OSCP1: variants seen among roughly 807,000 people sequenced by gnomAD.
OSCP1 encodes protein OSCP1.
OSCP1 carries 35 observed loss-of-function variants against 45.1 expected under a neutral mutation model. That is an observed-to-expected ratio of 0.78 (90% CI 0.59 to 1.03). The LOEUF is 1.03. Among genes scored for constraint, OSCP1 ranks in the 50% least tolerant of loss-of-function variants. OSCP1 has a pLI of 0.00. For missense variants in OSCP1, 400 were observed against 470.7 expected, an observed-to-expected ratio of 0.85 and a Z score of 1.39; for synonymous variants, 179 against 180.1, an observed-to-expected ratio of 0.99 and a Z score of 0.05.
intron 1 of OSCP1, chr1:36,444,146 AC>A (rs761655757): frequency 4.7e-6 from 6 of 1,286,986 alleles, no homozygotes; most frequent in Non-Finnish European, 1.1e-6. Flanking sequence ...TTTACTTTTC[AC>A]GTTGGCATTT....
intron 4 of OSCP1, among the ~76,000 whole-genome samples, chr1:36,427,015 TTTTGAGATGGAGTCTTGC>T (rs1457260031): frequency 6.6e-6 from 1 of 150,578 alleles, no homozygotes; most frequent in African/African-American, 2.5e-5. Context: ...CTCTTTTTTT[TTTTGAGATGGAGTCTTGC>T]TCTGTCGCCC....
chr1:36,449,484 G>C (rs1649745632), intron 1 of OSCP1, among the ~76,000 whole-genome samples: 1 of 151,848 alleles, frequency 6.6e-6, no homozygotes, highest in Admixed American at 6.6e-5. Context: ...AAATACTTCT[G>C]AGATGAGTAA....
chr1:36,423,310 G>A lies in OSCP1; in HGVS notation c.620+53C>T, dbSNP rs1647765773. On this transcript the variant is annotated intron_variant, in intron 5 of 9. Coordinates refer to ENST00000235532, the MANE Select transcript of OSCP1 (RefSeq NM_145047.5). ...GTGCGGCATTCCGTGTGCGGCCCAT[G>A]TGCTGATTTCCTAGCACCCCAAACA... is the stretch of plus-strand genomic sequence containing the variant. 5 of 1,394,388 alleles carry A rather than the reference G, an allele frequency of 3.6e-6. No individual in the cohort carries two copies. The Admixed American group carries it at 5.0e-5, about 14-fold the overall frequency. 86.4% of individuals were successfully genotyped at this position (1,394,388 alleles called of 1,614,324 possible).
Position 36,423,424 on chromosome 1 carries a change from G to A in OSCP1, c.559C>T (p.Arg187Cys), listed in dbSNP as rs149060854. Reference sequence around the variant, plus strand: ...GGCCCGGACACCGGCAACACAAAGCGACCGTTATTATTCTGAACTTTGTCC... The same window carrying A: ...GGCCCGGACACCGGCAACACAAAGCAACCGTTATTATTCTGAACTTTGTCC... ...LKDKVQNNNG[R>C]FVLPVSGPVP... is the part of the protein sequence containing the mutation. Residue 187 changes from arginine to cysteine, a missense_variant, in exon 5 of 10, where the codon CGC (arginine) becomes TGC (cysteine). Physicochemically the swap from Arg to Cys is radical, Grantham distance 180. Transcript: ENST00000235532. 152 of 1,613,672 alleles carry A rather than the reference G, an allele frequency of 9.4e-5. No individual in the cohort carries two copies. In the African/African-American group the frequency reaches 1.2e-3, roughly 13 times the overall value.
chr1:36,428,497 C>T (rs1158225971), intron 4 of OSCP1: 2 of 1,600,000 alleles, frequency 1.3e-6, no homozygotes, highest in African/African-American at 1.3e-5. Flanking sequence ...CAAACAAATA[C>T]ATATATGTTA....
At chr1:36,434,935 A>G (rs538503508) in intron 2 of OSCP1, among the ~76,000 whole-genome samples, 1 of 152,142 alleles carries the variant, frequency 6.6e-6, no homozygotes, top group East Asian at 1.9e-4. Flanking sequence ...AAAAACAGGT[A>G]TAAGATGAAG....
intron 4 of OSCP1, among the ~76,000 whole-genome samples, chr1:36,427,812 T>C (rs1417025701): frequency 6.6e-6 from 1 of 152,236 alleles, no homozygotes; most frequent in Admixed American, 6.5e-5. Flanking sequence ...TTTCATATTT[T>C]TTATTTTAAT....
intron 4 of OSCP1, chr1:36,428,466 A>G (rs770169876): frequency 6.2e-7 from 1 of 1,613,568 alleles, no homozygotes; most frequent in Non-Finnish European, 8.5e-7. Flanking sequence ...TGCTTCCAGA[A>G]GCACTCTCTC....
At chr1:36,421,279 A>G (rs1237829360) in intron 7 of OSCP1, among the ~76,000 whole-genome samples, 8 of 152,116 alleles carry the variant, frequency 5.3e-5, no homozygotes, top group Non-Finnish European at 5.9e-5. Flanking sequence ...GCAAGCCTCC[A>G]TGATACTGTG....
intron 1 of OSCP1, chr1:36,443,917 A>G (rs2124021288): frequency 7.0e-7 from 1 of 1,430,040 alleles, no homozygotes; most frequent in East Asian, 2.3e-5. Context: ...GAAATGTTTC[A>G]AGCGGTCCCA....
chr1:36,431,443 C>A (rs1313999454), intron 4 of OSCP1, among the ~76,000 whole-genome samples: 1 of 152,002 alleles, frequency 6.6e-6, no homozygotes, highest in African/African-American at 2.4e-5. Flanking sequence ...GGAGGAGGGG[C>A]AGCCTTCTGA....
At chr1:36,420,147 T>TTTTTTTTA (rs1647525908) in intron 8 of OSCP1, among the ~76,000 whole-genome samples, 1 of 151,434 alleles carries the variant, frequency 6.6e-6, no homozygotes, top group African/African-American at 2.4e-5. Context: ...AGCTAATTTT[T>TTTTTTTTA]TTTTTTTTTT....
In OSCP1 at chr1:36,423,433, T is replaced by C. The variant is rs372876354; in HGVS notation, c.550A>G (p.Asn184Asp). 17 of 1,612,822 alleles carry C rather than the reference T, an allele frequency of 1.1e-5. No homozygotes were observed. Among genetic ancestry groups the C allele is most frequent in the Admixed American group, 3.3e-5 (2 of 59,726 alleles). The change falls in exon 5 of 10, where the codon AAT (asparagine) becomes GAT (aspartate). Residue 184 changes from asparagine to aspartate, a missense_variant. By Grantham distance (23) the Asn-to-Asp change is conservative (BLOSUM62 1). Coordinates refer to ENST00000235532, the MANE Select transcript of OSCP1 (RefSeq NM_145047.5). The part of the protein sequence containing the change: ...SMFLKDKVQN[N>D]NGRFVLPVSG... ...ACCGGCAACACAAAGCGACCGTTAT[T>C]ATTCTGAACTTTGTCCTTTAGAAAC... is the stretch of plus-strand genomic sequence containing the variant.
At chr1:36,438,941 A>G in intron 1 of OSCP1, 31 bp from the exon 2 acceptor site, 2 of 1,608,788 alleles carry the variant, frequency 1.2e-6, no homozygotes, top group South Asian at 1.1e-5. Context: ...ACAGCTGAGC[A>G]AAGTACTGAA....
chr1:36,427,175 AT>A (rs1172638137), intron 4 of OSCP1, among the ~76,000 whole-genome samples: 4 of 128,190 alleles, frequency 3.1e-5, no homozygotes, highest in Admixed American at 2.4e-4. Context: ...TAATTTTTGT[AT>A]TTTTTAGTAG....
intron 4 of OSCP1, among the ~76,000 whole-genome samples, chr1:36,427,637 G>C (rs367980390): frequency 6.6e-6 from 1 of 152,120 alleles, no homozygotes; most frequent in African/African-American, 2.4e-5. Flanking sequence ...TCATTATAAT[G>C]AATTTTATCT....
intron 6 of OSCP1, among the ~76,000 whole-genome samples, chr1:36,422,545 A>G (rs1363194412): frequency 1.3e-5 from 2 of 152,160 alleles, no homozygotes; most frequent in African/African-American, 4.8e-5. Flanking sequence ...TTGCATGGCT[A>G]TTGAACATCA....
Position 36,419,030 on chromosome 1 carries a change from T to C in OSCP1, c.984A>G (p.Glu328=). Residue 328 remains glutamate, a synonymous_variant, in exon 9 of 10, where the codon GAA becomes GAG. Transcript: ENST00000235532. ...TGTTGATAACTTCATAGGATAACTC[T>C]TCTGGCCTGGTTAGCGCTGCTTGTC... is the stretch of plus-strand genomic sequence containing the variant. ...EEEQAALTRP[E]ELSYEVINIQ... 6.2e-7 allele frequency: 1 copy of C among 1,612,866 alleles called. No individual in the cohort carries two copies. The highest frequency in any genetic ancestry group is 8.5e-7 in the Non-Finnish European group (1 of 1,178,812).
chr1:36,431,942 C>CG, intron 3 of OSCP1, 60 bp from the exon 4 acceptor site: 1 of 1,506,374 alleles, frequency 6.6e-7, no homozygotes, highest in Admixed American at 1.8e-5. Flanking sequence ...TAGTACGCAC[C>CG]GGCAGGGCAG....
Sources: allele counts gnomAD v4.1 joint callset (sites outside exome capture counted in the v4.1 genomes callset), GRCh38; gene constraint gnomAD v4.1.1; transcripts MANE v1.5; gene names NCBI Gene and HGNC (gene_info 2026-07-23, HGNC 2026-07-21).